CNTNAP2: variants seen among roughly 807,000 people sequenced by gnomAD.
CNTNAP2 encodes the protein contactin associated protein 2.
CNTNAP2 carries 98 observed loss-of-function variants against 155.2 expected under a neutral mutation model. That is an observed-to-expected ratio of 0.63 (90% confidence interval 0.54 to 0.75). The LOEUF (loss-of-function observed/expected upper bound fraction) is 0.75, where lower values mean the gene tolerates loss of function less well. Ranked by LOEUF, CNTNAP2 falls within the 30% of genes least tolerant of loss-of-function variation. CNTNAP2 has a pLI of 0.00. For synonymous variants in CNTNAP2, 651 were observed against 631.2 expected (o/e 1.03, Z -0.47); for missense variants, 1,727 against 1,688.1 (o/e 1.02, Z -0.40).
chr7:146,311,022 A>G (rs1264940181), intron 1 of CNTNAP2, among the ~76,000 whole-genome samples: 1 of 152,212 alleles, frequency 6.6e-6, no homozygotes, highest in Admixed American at 6.5e-5. Flanking sequence ...AGCACCACTC[A>G]GTACAATGAA....
At chr7:146,540,539 A>G (rs1278594682) in intron 1 of CNTNAP2, among the ~76,000 whole-genome samples, 2 of 152,100 alleles carry the variant, frequency 1.3e-5, no homozygotes, top group Non-Finnish European at 2.9e-5. Flanking sequence ...TGCAGAAGTT[A>G]CTACCTCTAA....
At chr7:147,341,721 C>T (rs924260956) in intron 9 of CNTNAP2, among the ~76,000 whole-genome samples, 1 of 151,078 alleles carries the variant, frequency 6.6e-6, no homozygotes, top group African/African-American at 2.4e-5. Context: ...ACTCCTACCC[C>T]AAACCCAACA....
intron 20 of CNTNAP2, among the ~76,000 whole-genome samples, chr7:148,266,610 G>GTGTGTA (rs1401257134): frequency 6.6e-6 from 1 of 152,002 alleles, no homozygotes; most frequent in Non-Finnish European, 1.5e-5. Context: ...GAGTGTGTGT[G>GTGTGTA]TGTGTATGTG....
chr7:147,542,450 A>C (rs747979666), intron 11 of CNTNAP2, among the ~76,000 whole-genome samples: 54 of 152,284 alleles, frequency 3.5e-4, no homozygotes, highest in Admixed American at 2.3e-3. Context: ...CAAATTACTA[A>C]ATCTCCCTGA....
intron 3 of CNTNAP2, among the ~76,000 whole-genome samples, chr7:146,907,777 C>T (rs1439019578): frequency 2.7e-5 from 4 of 150,378 alleles, no homozygotes; most frequent in Non-Finnish European, 5.9e-5. Flanking sequence ...ATCATAATGA[C>T]AGGATCAAAT....
At chr7:147,622,245 C>G (rs1010557639) in intron 12 of CNTNAP2, among the ~76,000 whole-genome samples, 2 of 151,742 alleles carry the variant, frequency 1.3e-5, no homozygotes, top group Non-Finnish European at 2.9e-5. Flanking sequence ...AGGTAATAAA[C>G]AAAAAAACAT....
chr7:148,266,397 C>A lies in CNTNAP2; in HGVS notation c.3382-636C>A, dbSNP rs372604072. Among the ~76,000 whole-genome samples the A allele has an allele frequency of 7.9e-5, 12 of 152,248 alleles. No homozygotes were observed. In the South Asian group the frequency reaches 1.5e-3, roughly 18 times the overall value. ...GCAAGGCCAGTGATTCTGACACCAC[C>A]ATTGGCACTTTGTCCACGGGCAACA... On this transcript the variant is annotated intron_variant, in intron 20 of 23. Transcript: ENST00000361727.
rs1410019400 is a variant in CNTNAP2, at chr7:147,579,217, G to A, written c.1897+16960G>A. ...AGATAGCAGAGAGAGGGTGTGAATC[G>A]TTTCCCAGACTTATGAAATATCTAT... On this transcript the variant is annotated intron_variant, in intron 12 of 23. Transcript: ENST00000361727. Among the ~76,000 whole-genome samples, 8 of 152,032 alleles carry A rather than the reference G, an allele frequency of 5.3e-5. 1 individual carries two copies. The South Asian group carries it at 1.2e-3, about 24-fold the overall frequency.
At chr7:147,746,468 G>A (rs551165414) in intron 13 of CNTNAP2, among the ~76,000 whole-genome samples, 15 of 152,234 alleles carry the variant, frequency 9.9e-5, no homozygotes, top group East Asian at 3.9e-4. Context: ...GGACGAGGAC[G>A]AAATATTTAT....
At chr7:146,349,043 T>G (rs1345324529) in intron 1 of CNTNAP2, among the ~76,000 whole-genome samples, 1 of 152,184 alleles carries the variant, frequency 6.6e-6, no homozygotes, top group Non-Finnish European at 1.5e-5. Flanking sequence ...ACTTTTCTGT[T>G]AGTTCATAGT....
chr7:146,672,969 A>G lies in CNTNAP2; in HGVS notation c.98-101302A>G, dbSNP rs189931770. Among the ~76,000 whole-genome samples the G allele has an allele frequency of 2.0e-5, 3 of 152,246 alleles. No individual in the cohort carries two copies. In the East Asian group the frequency reaches 5.8e-4, roughly 29 times the overall value. On this transcript the variant is annotated intron_variant, in intron 1 of 23. Transcript: ENST00000361727. ...TAATTTTCCACTTAAAACTATCATT[A>G]TAGATTTGGTTACTACCTACTGCTC...
intron 8 of CNTNAP2, among the ~76,000 whole-genome samples, chr7:147,273,909 G>A (rs867346689): frequency 1.6e-3 from 229 of 145,102 alleles, no homozygotes; most frequent in Middle Eastern, 3.8e-3. Flanking sequence ...TATATATTAC[G>A]TATTTTATAT....
chr7:147,219,193 C>A (rs548687853), intron 8 of CNTNAP2, among the ~76,000 whole-genome samples: 6 of 152,184 alleles, frequency 3.9e-5, no homozygotes, highest in African/African-American at 1.4e-4. Context: ...AGTCAGGGTT[C>A]TTTAAAGGGA....
intron 10 of CNTNAP2, among the ~76,000 whole-genome samples, chr7:147,437,748 A>G (rs1159486216): frequency 6.6e-6 from 1 of 152,258 alleles, no homozygotes; most frequent in East Asian, 1.9e-4. Flanking sequence ...TGATGTTTTG[A>G]TAAGAATTGC....
intron 17 of CNTNAP2, among the ~76,000 whole-genome samples, chr7:148,155,607 C>CAA (rs1230472731): frequency 6.6e-6 from 1 of 152,116 alleles, no homozygotes; most frequent in African/African-American, 2.4e-5. Flanking sequence ...ATTACCATTT[C>CAA]AAAGAGATGA....
At chr7:146,568,729 A>G (rs1166085066) in intron 1 of CNTNAP2, among the ~76,000 whole-genome samples, 5 of 152,132 alleles carry the variant, frequency 3.3e-5, no homozygotes. Flanking sequence ...TAACCAGTGT[A>G]CTACTTGGAA....
intron 1 of CNTNAP2, among the ~76,000 whole-genome samples, chr7:146,533,702 C>A (rs574943269): frequency 6.6e-6 from 1 of 152,144 alleles, no homozygotes; most frequent in Middle Eastern, 3.4e-3. Context: ...CCATCTGTGT[C>A]ATTTCCCTGT....
chr7:148,155,466 G>A (rs140527140), intron 17 of CNTNAP2, among the ~76,000 whole-genome samples: 199 of 152,184 alleles, frequency 1.3e-3, no homozygotes, highest in African/African-American at 4.7e-3. Context: ...TTTACAAGCT[G>A]GGATAGGAGG....
intron 1 of CNTNAP2, among the ~76,000 whole-genome samples, chr7:146,413,070 A>AAAC (rs151235351): frequency 0.035 from 5,391 of 152,250 alleles, 335 homozygotes; most frequent in African/African-American, 0.12. Context: ...GCAAAAAACA[A>AAAC]AACAATTGTT....
Sources: gnomAD v4.1 joint callset for allele counts (sites outside exome capture counted in the v4.1 genomes callset) on GRCh38, gnomAD v4.1.1 for gene constraint, MANE v1.5 for transcripts, NCBI Gene and HGNC (gene_info 2026-07-23, HGNC 2026-07-21) for gene names.